The following PEX5 variants were observed in gnomAD, a reference collection of about 807,000 sequenced individuals.
The protein encoded by PEX5 is PTS1 receptor.
PEX5 carries 52 observed loss-of-function variants against 82.9 expected under a neutral mutation model. The observed-to-expected ratio is 0.63, with a 90% CI of 0.50 to 0.79. The LOEUF (loss-of-function observed/expected upper bound fraction) is 0.79. PEX5 is among the 30% of genes least tolerant of loss of function. The pLI, the probability that PEX5 is intolerant of heterozygous loss-of-function variation, is 0.00. For synonymous variants in PEX5, 300 were observed against 318.8 expected, an observed-to-expected ratio of 0.94 and a Z score of 0.63; for missense variants, 719 against 815.2, an observed-to-expected ratio of 0.88 and a Z score of 1.44.
At chr12:7,214,257 T>TAAAG (rs1945713114), downstream of PEX5, among the ~76,000 whole-genome samples, 1 of 152,104 alleles carries the variant, frequency 6.6e-6, no homozygotes, top group African/African-American at 2.4e-5. Flanking sequence ...CATGCTGCTA[T>TAAAG]AAAGACGCAC....
At chr12:7,211,772 T>TTTGA (rs779954144), downstream of PEX5, among the ~76,000 whole-genome samples, 35 of 152,274 alleles carry the variant, frequency 2.3e-4, no homozygotes, top group South Asian at 6.4e-3. Context: ...ATGGAAGGAT[T>TTTGA]TTGATAGTTT....
chr12:7,216,512 C>T (rs756078954), intron 17 of PEX5, among the ~76,000 whole-genome samples: 33 of 152,252 alleles, frequency 2.2e-4, no homozygotes, highest in Admixed American at 2.0e-3. Context: ...CCAAAGTTCA[C>T]AAATTGATTT....
downstream of PEX5, among the ~76,000 whole-genome samples, chr12:7,214,464 G>A (rs1413955264): frequency 6.7e-6 from 1 of 149,162 alleles, no homozygotes; most frequent in East Asian, 2.0e-4. Context: ...ACTATCACAA[G>A]AACAAAAAAC....
At chr12:7,214,561 T>A (rs1349632975), downstream of PEX5, among the ~76,000 whole-genome samples, 5 of 101,870 alleles carry the variant, frequency 4.9e-5, no homozygotes, top group Non-Finnish European at 9.2e-5. Context: ...CTCTGGGGAC[T>A]GTTGTGGGGT....
chr12:7,214,840 C>T (rs1945733676), downstream of PEX5, among the ~76,000 whole-genome samples: 1 of 151,846 alleles, frequency 6.6e-6, no homozygotes, highest in African/African-American at 2.4e-5. Flanking sequence ...CGGATATAGA[C>T]TATTACCTAT....
chr12:7,202,613 G>A lies in PEX5; in HGVS notation c.755G>A (p.Gly252Asp), dbSNP rs1234343542. The A allele has an allele frequency of 6.2e-7, 1 of 1,613,732 alleles. No homozygotes were observed. Among genetic ancestry groups the A allele is most frequent in the Non-Finnish European group, 8.5e-7 (1 of 1,179,690 alleles). ...QWAAEFIQQQ[G>D]TSDAWVDQFT... ...ACTGACCATCCTTTTTTGTCGCAGG[G>A]TACATCAGATGCCTGGGTTGACCAG... Residue 252 changes from glycine to aspartate, a missense_variant and splice_region_variant, in exon 9 of 16, where the codon GGT becomes GAT. Gly to Asp is a moderately conservative substitution (Grantham distance 94). Coordinates refer to ENST00000675855, the MANE Select transcript of PEX5 (RefSeq NM_001351132.2).
At chr12:7,193,486 T>C (rs1271812954) in intron 5 of PEX5, among the ~76,000 whole-genome samples, 1 of 152,118 alleles carries the variant, frequency 6.6e-6, no homozygotes, top group East Asian at 1.9e-4. Context: ...CACCACAGCC[T>C]CCCAAAGTGC....
chr12:7,210,613 A>T lies in PEX5; in HGVS notation c.*390A>T, dbSNP rs1945450425. The T allele has an allele frequency of 2.8e-6, 1 of 353,754 alleles. No homozygotes were observed. The highest frequency in any genetic ancestry group is 2.4e-5 in the South Asian group (1 of 42,312). 21.9% of individuals were successfully genotyped at this position (353,754 alleles called of 1,614,324 possible). A position where few individuals can be genotyped will look rare whatever the true frequency, so the allele number is the denominator to read the frequency against. On this transcript the variant is annotated 3_prime_UTR_variant, in exon 16 of 16. Transcript: ENST00000675855. ...TTTCCCCCACTTTTACTGGGAATTG[A>T]TAGTCCAGCTTCCTTGGGCAGTGTA...
chr12:7,196,033 T>TAA (rs151230555), intron 5 of PEX5, among the ~76,000 whole-genome samples: 1 of 144,306 alleles, frequency 6.9e-6, no homozygotes, highest in African/African-American at 2.5e-5. Flanking sequence ...ACATTATATA[T>TAA]TATATATATT....
intron 13 of PEX5, 124 bp downstream of exon 13, chr12:7,208,793 C>A: frequency 3.1e-6 from 3 of 960,284 alleles, no homozygotes; most frequent in Non-Finnish European, 3.3e-6. Context: ...GATGGGAAAC[C>A]TAGGATCAAG....
At chr12:7,195,821 G>T (rs968772020) in intron 5 of PEX5, among the ~76,000 whole-genome samples, 1 of 150,940 alleles carries the variant, frequency 6.6e-6, no homozygotes, top group Non-Finnish European at 1.5e-5. Context: ...GGAACTAGGA[G>T]ATCTTAAAGT....
rs976532778 is a variant in PEX5 at position 7,189,725 on chromosome 12, C to T, written c.-42C>T. 9 of 387,634 alleles carry T rather than the reference C, an allele frequency of 2.3e-5. No individual in the cohort carries two copies. The highest frequency in any genetic ancestry group is 1.1e-4 in the African/African-American group (5 of 47,342). 24.0% of individuals were successfully genotyped at this position (387,634 alleles called of 1,614,324 possible). A position where few individuals can be genotyped will look rare whatever the true frequency, so the allele number is the denominator to read the frequency against. ...CCCAAGCCAGCACCTGGTGCCCCGG[C>T]GGGTCGTGCGGCGCGGCGCTCCGCG... is the stretch of plus-strand genomic sequence containing the variant. On this transcript the variant is annotated 5_prime_UTR_variant, in exon 1 of 16. Coordinates refer to ENST00000675855, the MANE Select transcript of PEX5 (RefSeq NM_001351132.2).
chr12:7,193,124 C>T (rs941949030), intron 5 of PEX5, among the ~76,000 whole-genome samples: 2 of 152,116 alleles, frequency 1.3e-5, no homozygotes, highest in African/African-American at 4.8e-5. Context: ...ATATCCCACC[C>T]CCATTTTATA....
chr12:7,214,295 A>G (rs1403317694), downstream of PEX5, among the ~76,000 whole-genome samples: 1 of 152,086 alleles, frequency 6.6e-6, no homozygotes, highest in African/African-American at 2.4e-5. Context: ...CACTATTCAC[A>G]ATAGCAAAGA....
intron 6 of PEX5, among the ~76,000 whole-genome samples, chr12:7,199,848 C>A (rs1943455860): frequency 7.8e-6 from 1 of 127,410 alleles, no homozygotes; most frequent in Non-Finnish European, 1.7e-5. Flanking sequence ...CCCCCACCTC[C>A]CTCCCGGACG....
At chr12:7,216,709 G>C (rs749773736) in intron 17 of PEX5, among the ~76,000 whole-genome samples, 2 of 152,178 alleles carry the variant, frequency 1.3e-5, no homozygotes, top group Admixed American at 1.3e-4. Context: ...TAGAAACTTA[G>C]ACCCAAAACT....
intron 5 of PEX5, among the ~76,000 whole-genome samples, chr12:7,192,632 A>G (rs1371155138): frequency 6.6e-6 from 1 of 152,188 alleles, no homozygotes; most frequent in Non-Finnish European, 1.5e-5. Flanking sequence ...AACAAGAGAT[A>G]CACATAGAGA....
chr12:7,202,988 G>A (rs1249637591), intron 9 of PEX5, among the ~76,000 whole-genome samples: 1 of 151,958 alleles, frequency 6.6e-6, no homozygotes, highest in Non-Finnish European at 1.5e-5. Context: ...GAAACCCCAT[G>A]TCTCTACTAA....
chr12:7,205,274 TC>T lies in PEX5; in HGVS notation c.966+1725del, dbSNP rs762097356. On this transcript the variant is annotated intron_variant, in intron 10 of 15. Transcript: ENST00000675855. ...GGACTAGAAATACTTGCATTAATGTTCCTCAAAAAGTGATGTAGTAAGCAAT... is the reference window on the plus strand; with the variant it reads ...GGACTAGAAATACTTGCATTAATGTTCTCAAAAAGTGATGTAGTAAGCAAT... Among the ~76,000 whole-genome samples the T allele has an allele frequency of 1.9e-4, 28 of 148,452 alleles. No homozygotes were observed. The South Asian group carries it at 6.1e-3, about 32-fold the overall frequency.
Sources: gnomAD v4.1 joint callset for allele counts (sites outside exome capture counted in the v4.1 genomes callset) on GRCh38, gnomAD v4.1.1 for gene constraint, MANE v1.5 for transcripts, NCBI Gene and HGNC (gene_info 2026-07-23, HGNC 2026-07-21) for gene names.